CERS1: variants seen among roughly 807,000 people sequenced by gnomAD.
CERS1 encodes Embryonic growth/differentiation factor 1.
CERS1 carries 16 observed loss-of-function variants against 35.7 expected under a neutral mutation model. The observed-to-expected ratio is 0.45, with a 90% CI of 0.30 to 0.68. CERS1 has a LOEUF of 0.68. Ranked by LOEUF, CERS1 falls within the 30% of genes least tolerant of loss-of-function variation. CERS1 has a pLI of 0.08. For missense variants in CERS1, 454 were observed against 453.9 expected (o/e 1.00, Z 0.00); for synonymous variants, 243 against 201.6 (o/e 1.21, Z -1.74).
intron 2 of CERS1, among the ~76,000 whole-genome samples, chr19:18,891,025 G>A (rs1270792139): frequency 6.6e-6 from 1 of 152,002 alleles, no homozygotes; most frequent in Non-Finnish European, 1.5e-5. Flanking sequence ...TTAGGAGGCT[G>A]AGGCAGGAGA....
At position 18,868,842 on chromosome 19, in the gene CERS1, G is replaced by C. The variant is rs1233479729; in HGVS notation, c.*1143C>G. Reference sequence around the variant, plus strand: ...CACTGACCCTGGCAGTAGTTGGCCAGGAAGCCGCGCGGCGCGATGACCCAG... The same window carrying C: ...CACTGACCCTGGCAGTAGTTGGCCACGAAGCCGCGCGGCGCGATGACCCAG... On this transcript the variant is annotated 3_prime_UTR_variant, in exon 8 of 8. Coordinates refer to ENST00000623882, the MANE Select transcript of CERS1 (RefSeq NM_021267.5). The C allele has an allele frequency of 9.6e-6, 14 of 1,451,646 alleles. No individual in the cohort carries two copies. The highest frequency in any genetic ancestry group is 1.3e-5 in the Non-Finnish European group (14 of 1,093,602). The allele number at this position is 1,451,646 out of a possible 1,614,324, so 89.9% of individuals were successfully genotyped here.
intron 2 of CERS1, among the ~76,000 whole-genome samples, chr19:18,886,353 T>G (rs911105921): frequency 4.6e-5 from 7 of 152,006 alleles, no homozygotes; most frequent in Non-Finnish European, 8.8e-5. Context: ...ATCAAGACCA[T>G]CCTGGTTAAC....
At chr19:18,893,876 G>A (rs1397488523) in intron 1 of CERS1, among the ~76,000 whole-genome samples, 1 of 151,798 alleles carries the variant, frequency 6.6e-6, no homozygotes, top group Non-Finnish European at 1.5e-5. Flanking sequence ...TGAGGGAGAC[G>A]GATGGATGCG....
intron 2 of CERS1, among the ~76,000 whole-genome samples, chr19:18,892,072 A>T (rs2056504644): frequency 6.6e-6 from 1 of 151,382 alleles, no homozygotes; most frequent in Non-Finnish European, 1.5e-5. Context: ...TTATTTTTGT[A>T]TTTTTAGTAC....
At chr19:18,880,847 A>T (rs1013631533) in intron 3 of CERS1, among the ~76,000 whole-genome samples, 1 of 152,048 alleles carries the variant, frequency 6.6e-6, no homozygotes, top group African/African-American at 2.4e-5. Flanking sequence ...ACAGGAAAGC[A>T]ACACCACACA....
At chr19:18,879,132 C>G (rs769732383) in intron 5 of CERS1, 93 bp from the exon 6 acceptor site, 1 of 1,585,776 alleles carries the variant, frequency 6.3e-7, no homozygotes, top group African/African-American at 1.3e-5. Flanking sequence ...GCCCTCCACA[C>G]GGGCTGTCTG....
At chr19:18,882,321 T>TA (rs888149148) in intron 3 of CERS1, among the ~76,000 whole-genome samples, 2 of 152,100 alleles carry the variant, frequency 1.3e-5, no homozygotes, top group African/African-American at 4.8e-5. Context: ...AGGAATGGAA[T>TA]AGGGGCTTTT....
At chr19:18,894,414 G>C (rs973723420) in intron 1 of CERS1, among the ~76,000 whole-genome samples, 5 of 152,150 alleles carry the variant, frequency 3.3e-5, no homozygotes, top group Non-Finnish European at 5.9e-5. Context: ...CAACCAGGCT[G>C]CTGCCAAGAA....
rs754540207 is a variant in CERS1, at chr19:18,868,937, C to A, written c.*1048G>T. 1.6e-6 allele frequency: 2 copies of A among 1,286,024 alleles called. No homozygotes were observed. Among genetic ancestry groups the A allele is most frequent in the South Asian group, 1.6e-5 (1 of 62,066 alleles). The allele number at this position is 1,286,024 out of a possible 1,614,324, so 79.7% of individuals were successfully genotyped here. On this transcript the variant is annotated 3_prime_UTR_variant, in exon 8 of 8. Transcript: ENST00000623882. ...GCGACAAGCGCCCCCGGGGCCGCCGCCCAACACGGGTTCGGCGTCGCGCCG... is the reference window on the plus strand; with the variant it reads ...GCGACAAGCGCCCCCGGGGCCGCCGACCAACACGGGTTCGGCGTCGCGCCG...
intron 3 of CERS1, among the ~76,000 whole-genome samples, chr19:18,882,913 G>A (rs1466352640): frequency 6.6e-6 from 1 of 151,974 alleles, no homozygotes; most frequent in Non-Finnish European, 1.5e-5. Context: ...GGATGGTCTC[G>A]ATCTCCTGAC....
Position 18,895,800 on chromosome 19 carries a change from G to T in CERS1, c.249+24C>A. ...GCTTCCCCCAGTCCGGGGTCCCCTC[G>T]TCCCGGCCCCCGGCCACACTGACCC... On this transcript the variant is annotated intron_variant, in intron 1 of 7. Transcript: ENST00000623882. This position sits in a 1 kb window ranked among gnomAD's most constrained non-coding sequence, Gnocchi z 6.4. 8.3e-7 allele frequency: 1 copy of T among 1,202,646 alleles called. No homozygotes were observed. The allele number at this position is 1,202,646 out of a possible 1,614,324, so 74.5% of individuals were successfully genotyped here.
rs751311265 is a variant in CERS1, at chr19:18,868,638, G to A, written c.*1347C>T. On this transcript the variant is annotated 3_prime_UTR_variant, in exon 8 of 8. Transcript: ENST00000623882. ...TCGTCCACCACCATGTCCTCATACT[G>A]CCGCAGCACCACGTTGTCGCTGTTG... 4 of 1,574,462 alleles carry A rather than the reference G, an allele frequency of 2.5e-6. No individual in the cohort carries two copies. The highest frequency in any genetic ancestry group is 3.4e-6 in the Non-Finnish European group (4 of 1,160,278).
rs2056098875 is a variant in CERS1 at position 18,878,167 on chromosome 19, C to A, written c.1010+763G>T. ...AATCAGAGGGCCTGGCTGGTCGGCACCTTCCAGGGCCTTCCACAACCTCCT... is the reference window on the plus strand; with the variant it reads ...AATCAGAGGGCCTGGCTGGTCGGCAACTTCCAGGGCCTTCCACAACCTCCT... On this transcript the variant is annotated intron_variant, in intron 6 of 7. Coordinates refer to ENST00000623882, the MANE Select transcript of CERS1 (RefSeq NM_021267.5). This position sits in a 1 kb window ranked among gnomAD's most constrained non-coding sequence, Gnocchi z 4.6. 1.0e-6 allele frequency: 1 copy of A among 985,402 alleles called. No homozygotes were observed. Among genetic ancestry groups the A allele is most frequent in the African/African-American group, 1.7e-5 (1 of 57,216 alleles). 61.0% of individuals were successfully genotyped at this position (985,402 alleles called of 1,614,324 possible).
intron 2 of CERS1, among the ~76,000 whole-genome samples, chr19:18,884,760 C>T (rs1376175153): frequency 8.4e-6 from 1 of 118,594 alleles, no homozygotes; most frequent in Non-Finnish European, 1.6e-5. Flanking sequence ...TGTCACCAGA[C>T]TGGAGTGCAG....
At chr19:18,880,533 G>A in intron 3 of CERS1, 98 bp from the exon 4 acceptor site, 1 of 1,242,828 alleles carries the variant, frequency 8.0e-7, no homozygotes, top group Non-Finnish European at 1.1e-6. Context: ...TACACCTCAG[G>A]CTCCCCGTGG....
chr19:18,885,511 G>GTT (rs59793456), intron 2 of CERS1, among the ~76,000 whole-genome samples: 613 of 22,040 alleles, frequency 0.028, 38 homozygotes, highest in African/African-American at 0.059. Context: ...GCCCCTTCTC[G>GTT]TTTTTTTTTT....
At chr19:18,876,023 A>G (rs1467355518) in intron 6 of CERS1, among the ~76,000 whole-genome samples, 1 of 152,184 alleles carries the variant, frequency 6.6e-6, no homozygotes, top group Non-Finnish European at 1.5e-5. Context: ...TTTGTTATAG[A>G]GTTCCTGGGA....
At position 18,895,581 on chromosome 19, in the gene CERS1, C is replaced by A. The variant is rs1056583820; in HGVS notation, c.249+243G>T. Among the ~76,000 whole-genome samples the A allele has an allele frequency of 2.0e-5, 3 of 151,944 alleles. No homozygotes were observed. The highest frequency in any genetic ancestry group is 6.5e-5 in the Admixed American group (1 of 15,270). ...ACTCACCCCAGCCCGGCCACACCCC[C>A]GCATCTACCCGGTTCCCCCACGCAG... On this transcript the variant is annotated intron_variant, in intron 1 of 7. Coordinates refer to ENST00000623882, the MANE Select transcript of CERS1 (RefSeq NM_021267.5). This position sits in a 1 kb window ranked among gnomAD's most constrained non-coding sequence, Gnocchi z 6.4.
At chr19:18,893,063 C>CCTG (rs1172339793) in intron 2 of CERS1, among the ~76,000 whole-genome samples, 5 of 151,132 alleles carry the variant, frequency 3.3e-5, no homozygotes, top group Admixed American at 2.6e-4. Flanking sequence ...ATTACAGGCG[C>CCTG]CCACCACACC....
Sources: gnomAD v4.1 joint callset for allele counts (sites outside exome capture counted in the v4.1 genomes callset) on GRCh38, gnomAD v4.1.1 for gene constraint, Gnocchi (gnomAD v3.1) non-coding constraint, MANE v1.5 for transcripts, NCBI Gene and HGNC (gene_info 2026-07-23, HGNC 2026-07-21) for gene names.